Variants in APTX observed in about 807,000 individuals in gnomAD.
The protein encoded by APTX is forkhead-associated domain histidine triad-like protein.
In APTX, 33 loss-of-function variants were observed where a neutral mutation model predicts 42.3. That is an observed-to-expected ratio of 0.78 (90% CI 0.59 to 1.04). The LOEUF is 1.04. Ranked by LOEUF, APTX falls within the 50% of genes least tolerant of loss-of-function variation. The probability of loss-of-function intolerance (pLI) is 0.00; values close to 1 mark genes in which losing one functional copy is unlikely to be tolerated. For synonymous variants in APTX, 130 were observed against 146.7 expected (o/e 0.89, Z 0.82); for missense variants, 421 against 415.1 (o/e 1.01, Z -0.12).
intron 4 of APTX, among the ~76,000 whole-genome samples, chr9:32,986,492 C>T (rs1297274774): frequency 2.6e-5 from 4 of 151,786 alleles, no homozygotes; most frequent in South Asian, 2.1e-4. Context: ...CCACCACACC[C>T]GACCCTATAT....
At chr9:33,023,495 T>C (rs1030354821) in intron 1 of APTX, among the ~76,000 whole-genome samples, 2 of 152,232 alleles carry the variant, frequency 1.3e-5, no homozygotes, top group South Asian at 2.1e-4. Context: ...AGTGCTGGGA[T>C]TACAGGTGTG....
rs190368009 is a variant in APTX at position 33,001,450 on chromosome 9, G to C, written c.-5+117C>G. 150,104 of 1,571,754 alleles carry C rather than the reference G, an allele frequency of 0.096. 8,050 individuals are homozygous for C. Among genetic ancestry groups the C allele is most frequent in the Non-Finnish European group, 0.11 (129,219 of 1,164,848 alleles). On this transcript the variant is annotated intron_variant, in intron 1 of 7. Transcript: ENST00000379817. ...CGGAGAAAGCAGCCGTGAGAGCAGC[G>C]CATGAAAGCAGCGTCATTCAAGGCA...
At chr9:32,985,326 GTTTT>G (rs5897530) in intron 5 of APTX, among the ~76,000 whole-genome samples, 14 of 103,076 alleles carry the variant, frequency 1.4e-4, no homozygotes, top group South Asian at 5.9e-4. Flanking sequence ...GATGATGCCT[GTTTT>G]TTTTTTTTTT....
chr9:32,974,328 C>T (rs1828798101), intron 7 of APTX, 130 bp downstream of exon 7: 3 of 680,404 alleles, frequency 4.4e-6, no homozygotes, highest in South Asian at 3.3e-5. Flanking sequence ...TCACAGGGCT[C>T]GCTTTATAGG....
Position 32,998,869 on chromosome 9 carries a change from T to TA in APTX, c.-5+2697dup, listed in dbSNP as rs146143384. The stretch of plus-strand genomic sequence containing the variant: ...CACATGTATCCCAGAACTTAAAGTA[T>TA]AAAAAAAAAATTGGTCAAGCTAAAA... On this transcript the variant is annotated intron_variant, in intron 1 of 7. Coordinates refer to ENST00000379817, the MANE Select transcript of APTX (RefSeq NM_001195248.2). 6.5e-4 allele frequency among the ~76,000 whole-genome samples: 86 copies of TA among 132,232 alleles called. No homozygotes were observed. In the Middle Eastern group the frequency reaches 0.011, roughly 17 times the overall value. The allele number at this position is 132,232 out of a possible 152,430, so 86.7% of individuals were successfully genotyped here.
chr9:32,985,920 G>T, intron 5 of APTX, 51 bp downstream of exon 5: 2 of 1,456,476 alleles, frequency 1.4e-6, no homozygotes, highest in Non-Finnish European at 1.9e-6. Context: ...CCTCTGTGGA[G>T]TGGTCATTTA....
intron 1 of APTX, among the ~76,000 whole-genome samples, chr9:32,998,575 A>G (rs1835519995): frequency 6.6e-6 from 1 of 152,226 alleles, no homozygotes; most frequent in South Asian, 2.1e-4. Flanking sequence ...TTGCAGGGAC[A>G]TGGATGAAGC....
At chr9:33,010,056 TCTCTGGCTACTTTAAAGACTG>T (rs1344776989) in intron 1 of APTX, among the ~76,000 whole-genome samples, 1 of 152,104 alleles carries the variant, frequency 6.6e-6, no homozygotes. Flanking sequence ...TTAGAAAACT[TCTCTGGCTACTTTAAAGACTG>T]ATGGGGCTGC....
At chr9:32,995,985 C>T (rs951725358) in intron 1 of APTX, among the ~76,000 whole-genome samples, 2 of 152,128 alleles carry the variant, frequency 1.3e-5, no homozygotes, top group African/African-American at 2.4e-5. Flanking sequence ...CAAGACCCCC[C>T]CTACATCAGC....
chr9:32,996,387 A>G (rs1834950054), intron 1 of APTX, among the ~76,000 whole-genome samples: 1 of 151,246 alleles, frequency 6.6e-6, no homozygotes. Context: ...GTGGTCCTCC[A>G]GCCTCAGCCT....
At chr9:33,001,707 C>A (rs1408533638), upstream of APTX, 4 of 1,485,926 alleles carry the variant, frequency 2.7e-6, no homozygotes, top group Non-Finnish European at 2.8e-6. Context: ...CTGAAAGAAT[C>A]TTGCCCACTT....
chr9:33,024,876 G>GGC (rs1838742220), intron 1 of APTX: 1 of 78,288 alleles, frequency 1.3e-5, no homozygotes, highest in South Asian at 6.8e-4. Flanking sequence ...GGGGGGGGGG[G>GGC]GCAAGACTGT....
At chr9:32,989,213 C>T (rs965502486) in intron 2 of APTX, among the ~76,000 whole-genome samples, 2 of 152,146 alleles carry the variant, frequency 1.3e-5, no homozygotes, top group African/African-American at 4.8e-5. Flanking sequence ...GTTCAGAACC[C>T]TTGGGAAACC....
At chr9:33,010,373 C>G (rs148806593) in intron 1 of APTX, among the ~76,000 whole-genome samples, 2 of 152,308 alleles carry the variant, frequency 1.3e-5, no homozygotes, top group African/African-American at 2.4e-5. Context: ...TGAGCAACTT[C>G]TACATGTCAG....
At chr9:32,989,999 T>C in intron 1 of APTX, 104 bp from the exon 2 acceptor site, 2 of 1,454,128 alleles carry the variant, frequency 1.4e-6, no homozygotes, top group South Asian at 1.2e-5. Context: ...CAGCTGTTCA[T>C]CTTGAGGCAA....
chr9:32,976,866 T>C (rs1388168350), intron 6 of APTX, among the ~76,000 whole-genome samples: 2 of 152,240 alleles, frequency 1.3e-5, no homozygotes, highest in African/African-American at 4.8e-5. Flanking sequence ...AAATAACATC[T>C]AATTATCCCA....
chr9:32,987,950 C>CT, intron 3 of APTX, 104 bp from the exon 4 acceptor site: 3 of 1,526,502 alleles, frequency 2.0e-6, no homozygotes, highest in Non-Finnish European at 2.7e-6. Flanking sequence ...AGCACCTTGC[C>CT]TTATGTTCAC....
intron 1 of APTX, among the ~76,000 whole-genome samples, chr9:33,000,037 A>G (rs1182382594): frequency 6.6e-6 from 1 of 152,202 alleles, no homozygotes; most frequent in African/African-American, 2.4e-5. Flanking sequence ...AAAACAATAT[A>G]GAACAGTGGC....
At chr9:32,994,889 G>T (rs1563981070) in intron 1 of APTX, among the ~76,000 whole-genome samples, 1 of 152,014 alleles carries the variant, frequency 6.6e-6, no homozygotes, top group Non-Finnish European at 1.5e-5. Context: ...AAATCCTAAG[G>T]CCCTTAAGAA....
Sources: gnomAD v4.1 joint callset for allele counts (sites outside exome capture counted in the v4.1 genomes callset) on GRCh38, gnomAD v4.1.1 for gene constraint, MANE v1.5 for transcripts, NCBI Gene and HGNC (gene_info 2026-07-23, HGNC 2026-07-21) for gene names.